The following PCNT variants were observed in gnomAD, a reference collection of about 807,000 sequenced individuals.
PCNT encodes the protein kendrin.
PCNT carries 319 observed loss-of-function variants against 380.4 expected under a neutral mutation model. The observed-to-expected ratio is 0.84, with a 90% CI of 0.77 to 0.92. PCNT has a LOEUF of 0.92. Ranked by LOEUF, PCNT falls within the 40% of genes least tolerant of loss-of-function variation. PCNT has a pLI of 0.00. For synonymous variants in PCNT, 1,845 were observed against 1,735.2 expected (o/e 1.06, Z -1.57); for missense variants, 4,400 against 4,255.3 (o/e 1.03, Z -0.95).
chr21:46,412,100 T>G (rs1001143848), intron 28 of PCNT, 33 bp downstream of exon 28: 9 of 1,596,118 alleles, frequency 5.6e-6, no homozygotes, highest in Non-Finnish European at 7.6e-6. Context: ...GGCAGGGTAT[T>G]TTTTTTTACT....
At chr21:46,325,532 C>T (rs1434524760) in intron 1 of PCNT, among the ~76,000 whole-genome samples, 2 of 152,182 alleles carry the variant, frequency 1.3e-5, no homozygotes, top group Non-Finnish European at 2.9e-5. Context: ...GGAAATATTT[C>T]CTTGAGAGAC....
rs1222789518 is a variant in PCNT at position 46,388,209 on chromosome 21, CAAAA to C, written c.3465-523_3465-520del. On this transcript the variant is annotated intron_variant, in intron 17 of 46. Coordinates refer to ENST00000359568, the MANE Select transcript of PCNT (RefSeq NM_006031.6). This position sits in a 1 kb window ranked among gnomAD's most constrained non-coding sequence, Gnocchi z 4.2. Reference sequence around the variant, plus strand: ...TGGGCGACAGAGCGAGACTCCATCTCAAAAAAAAAAAAAGACAGAAGCATCCCAG... The same window carrying C: ...TGGGCGACAGAGCGAGACTCCATCTCAAAAAAAAAGACAGAAGCATCCCAG... 2.9e-5 allele frequency among the ~76,000 whole-genome samples: 4 copies of C among 136,428 alleles called. No individual in the cohort carries two copies. Among genetic ancestry groups the C allele is most frequent in the Admixed American group, 7.4e-5 (1 of 13,564 alleles). 89.5% of individuals were successfully genotyped at this position (136,428 alleles called of 152,430 possible). A position where few individuals can be genotyped will look rare whatever the true frequency, so the allele number is the denominator to read the frequency against.
At chr21:46,355,870 TG>T (rs1349221451) in intron 12 of PCNT, among the ~76,000 whole-genome samples, 1 of 152,148 alleles carries the variant, frequency 6.6e-6, no homozygotes, top group Non-Finnish European at 1.5e-5. Context: ...AGGTCTGACC[TG>T]GGCAGCCACC....
chr21:46,348,762 A>C (rs1470499939), intron 6 of PCNT, among the ~76,000 whole-genome samples: 1 of 151,418 alleles, frequency 6.6e-6, no homozygotes, highest in Non-Finnish European at 1.5e-5. Flanking sequence ...CTATAGTTGC[A>C]TGCCACCACA....
chr21:46,345,609 G>A (rs1303507569), intron 3 of PCNT, among the ~76,000 whole-genome samples: 1 of 152,024 alleles, frequency 6.6e-6, no homozygotes, highest in Non-Finnish European at 1.5e-5. Context: ...ACAAGCATAC[G>A]ATTCACCATT....
At chr21:46,380,433 T>C (rs1177991318) in intron 15 of PCNT, among the ~76,000 whole-genome samples, 1 of 152,012 alleles carries the variant, frequency 6.6e-6, no homozygotes, top group East Asian at 1.9e-4. Context: ...GTGCTGGGAT[T>C]ACAGGCGTGA....
intron 33 of PCNT, among the ~76,000 whole-genome samples, chr21:46,426,770 T>G (rs2087525262): frequency 6.6e-6 from 1 of 152,192 alleles, no homozygotes; most frequent in African/African-American, 2.4e-5. Flanking sequence ...TCACCAGGGC[T>G]TGTGGAGGTT....
Position 46,416,337 on chromosome 21 carries a change from ATGT to A in PCNT, c.6421_6423del (p.Val2141del). The A allele has an allele frequency of 6.2e-7, 1 of 1,613,794 alleles. No homozygotes were observed. Among genetic ancestry groups the A allele is most frequent in the Non-Finnish European group, 8.5e-7 (1 of 1,179,806 alleles). On this transcript the variant is annotated inframe_deletion, in exon 30 of 47. Coordinates refer to ENST00000359568, the MANE Select transcript of PCNT (RefSeq NM_006031.6). ...AATACAGCCACGGGGGGTGTAACTG[ATGT>A]TATCAAAAATCAGGCCATAGACGCG...
intron 2 of PCNT, among the ~76,000 whole-genome samples, chr21:46,330,646 T>G (rs1016143675): frequency 5.3e-5 from 8 of 152,222 alleles, no homozygotes; most frequent in African/African-American, 1.9e-4. Flanking sequence ...TTTTCATATG[T>G]ATTATAAAAT....
chr21:46,378,527 G>A (rs946263751), intron 15 of PCNT, among the ~76,000 whole-genome samples: 1 of 151,952 alleles, frequency 6.6e-6, no homozygotes, highest in Admixed American at 6.6e-5. Flanking sequence ...CGTGGATAAC[G>A]CCGGACAGAA....
At chr21:46,347,360 G>A (rs2084107017) in intron 5 of PCNT, 97 bp from the exon 6 acceptor site, 2 of 1,183,576 alleles carry the variant, frequency 1.7e-6, no homozygotes, top group Admixed American at 1.7e-5. Flanking sequence ...GCTGGCACGT[G>A]TCCAGTGGGT....
rs1299891641 is a variant in PCNT, at chr21:46,444,655, T to A, written c.9840-39T>A. 4 of 1,598,528 alleles carry A rather than the reference T, an allele frequency of 2.5e-6. No homozygotes were observed. In the Admixed American group the frequency reaches 6.8e-5, roughly 27 times the overall value. On this transcript the variant is annotated intron_variant, in intron 45 of 46. Transcript: ENST00000359568. Reference sequence around the variant, plus strand: ...GTCTGTCAAACTCAACTCTTTTTTTTTTTTTTTTTCTTCTCTTGGTGTGGT... The same window carrying A: ...GTCTGTCAAACTCAACTCTTTTTTTATTTTTTTTTCTTCTCTTGGTGTGGT...
intron 2 of PCNT, among the ~76,000 whole-genome samples, chr21:46,334,002 C>G (rs1367612980): frequency 1.3e-5 from 2 of 152,024 alleles, no homozygotes; most frequent in African/African-American, 4.8e-5. Flanking sequence ...GTCAGGAGAT[C>G]AAGACCATCT....
Position 46,366,096 on chromosome 21 carries a change from A to G in PCNT, c.2610-488A>G, listed in dbSNP as rs1310197564. ...TATTCACTGCCATGAGGTTCTATTC[A>G]TTCACTGCCATGGGGTTCAATTCAC... On this transcript the variant is annotated intron_variant, in intron 14 of 46. Transcript: ENST00000359568. Among the ~76,000 whole-genome samples the G allele has an allele frequency of 2.0e-5, 3 of 150,590 alleles. No homozygotes were observed. In the East Asian group the frequency reaches 5.9e-4, roughly 29 times the overall value.
At chr21:46,324,572 T>TGGGGCGCGGGC (rs2083297197) in intron 1 of PCNT, among the ~76,000 whole-genome samples, 1 of 118,990 alleles carries the variant, frequency 8.4e-6, no homozygotes, top group Admixed American at 7.8e-5. Context: ...TCGGGGGGGG[T>TGGGGCGCGGGC]GGGGCGCGGG....
In PCNT at chr21:46,412,078, C is replaced by T. The variant is rs750964952; in HGVS notation, c.5994+11C>T. 2 of 1,604,450 alleles carry T rather than the reference C, an allele frequency of 1.2e-6. No homozygotes were observed. The highest frequency in any genetic ancestry group is 1.7e-6 in the Non-Finnish European group (2 of 1,179,660). On this transcript the variant is annotated intron_variant, in intron 28 of 46. Transcript: ENST00000359568. ...GTCCCTGACCCACAGGTGGGCTCCC[C>T]CCGCGGGCCATGGCAGGGTATTTTT...
chr21:46,417,118 C>T (rs560561925), intron 30 of PCNT, among the ~76,000 whole-genome samples: 8 of 149,324 alleles, frequency 5.4e-5, no homozygotes, highest in Non-Finnish European at 7.4e-5. Flanking sequence ...GACACGTCTT[C>T]GTGTGTGATG....
chr21:46,442,815 GC>G (rs2053646362), intron 44 of PCNT: 1 of 580,698 alleles, frequency 1.7e-6, no homozygotes. Flanking sequence ...ACACTGAGAT[GC>G]TCAATATATT....
At position 46,428,543 on chromosome 21, in the gene PCNT, G is replaced by A; in HGVS notation, c.7643G>A (p.Ser2548Asn). ...CAGCACTTGCGCACGGCGCTGACAA[G>A]CGCAGAGGCGCGCGGGAGCCAGCAG... The part of the protein sequence containing the change: ...KLQHLRTALT[S>N]AEARGSQQEH... Residue 2548 changes from serine (S) to asparagine (N), a missense_variant, in exon 35 of 47, where the codon AGC becomes AAC. By Grantham distance (46) the Ser-to-Asn change is conservative. Coordinates refer to ENST00000359568, the MANE Select transcript of PCNT (RefSeq NM_006031.6). The A allele has an allele frequency of 6.2e-7, 1 of 1,608,372 alleles. No homozygotes were observed. The highest frequency in any genetic ancestry group is 8.5e-7 in the Non-Finnish European group (1 of 1,179,460).
Sources: gnomAD v4.1 joint callset for allele counts (sites outside exome capture counted in the v4.1 genomes callset) on GRCh38, gnomAD v4.1.1 for gene constraint, Gnocchi (gnomAD v3.1) non-coding constraint, MANE v1.5 for transcripts, NCBI Gene and HGNC (gene_info 2026-07-23, HGNC 2026-07-21) for gene names.